The following SPTSSA variants were observed in gnomAD, a reference collection of about 807,000 sequenced individuals.
The protein encoded by SPTSSA is small subunit of serine palmitoyltransferase A.
In SPTSSA, 8 loss-of-function variants were observed where a neutral mutation model predicts 9.1. The ratio of observed to expected loss-of-function variants is 0.88; its 90% confidence interval spans 0.51 to 1.58. SPTSSA has a LOEUF of 1.58. Ranked by LOEUF, SPTSSA falls within the 40% of genes most tolerant of loss-of-function variation. The pLI, the probability that SPTSSA is intolerant of heterozygous loss-of-function variation, is 0.00. For synonymous variants in SPTSSA, 42 were observed against 37.7 expected (o/e 1.11, Z -0.41); for missense variants, 100 against 93.8 (o/e 1.07, Z -0.27).
chr14:34,460,242 C>T (rs1594628395), intron 1 of SPTSSA, among the ~76,000 whole-genome samples: 1 of 152,080 alleles, frequency 6.6e-6, no homozygotes, highest in African/African-American at 2.4e-5. Context: ...CATTTCTAAC[C>T]TGAGTTAATT....
intron 1 of SPTSSA, among the ~76,000 whole-genome samples, chr14:34,451,258 C>T (rs1883515418): frequency 1.3e-5 from 2 of 152,110 alleles, no homozygotes; most frequent in African/African-American, 2.4e-5. Context: ...AGGTCATAGA[C>T]CTTTGTTCCA....
At chr14:34,451,571 AAAT>A (rs2138830023) in intron 1 of SPTSSA, among the ~76,000 whole-genome samples, 1 of 152,110 alleles carries the variant, frequency 6.6e-6, no homozygotes, top group African/African-American at 2.4e-5. Flanking sequence ...AAAATACAAA[AAAT>A]TAGCCGGGCG....
At chr14:34,458,560 G>A (rs1339485923) in intron 1 of SPTSSA, among the ~76,000 whole-genome samples, 6 of 149,986 alleles carry the variant, frequency 4.0e-5, no homozygotes, top group African/African-American at 9.9e-5. Context: ...GCAGTGGCAC[G>A]ATCTCGGCTC....
chr14:34,460,727 T>C (rs758195005), intron 1 of SPTSSA, among the ~76,000 whole-genome samples: 3 of 152,198 alleles, frequency 2.0e-5, no homozygotes, highest in Non-Finnish European at 2.9e-5. Context: ...GAGACTTCTA[T>C]TAAATATGCA....
At chr14:34,461,932 G>C (rs866738445) in intron 1 of SPTSSA, among the ~76,000 whole-genome samples, 164 bp downstream of exon 1, 1 of 122,246 alleles carries the variant, frequency 8.2e-6, no homozygotes, top group Non-Finnish European at 1.7e-5. Context: ...CCCCGCGAGC[G>C]CCGCCCTCGG....
At chr14:34,459,760 A>T (rs1244284192) in intron 1 of SPTSSA, among the ~76,000 whole-genome samples, 1 of 151,930 alleles carries the variant, frequency 6.6e-6, no homozygotes, top group Non-Finnish European at 1.5e-5. Context: ...CAGCCGGGCA[A>T]CAAGAACAAA....
chr14:34,449,503 C>CTTT (rs35238717), intron 1 of SPTSSA, among the ~76,000 whole-genome samples: 1 of 123,732 alleles, frequency 8.1e-6, no homozygotes, highest in Non-Finnish European at 1.7e-5. Context: ...CCCGGCCTCC[C>CTTT]TTTTTTTTTT....
At chr14:34,454,373 T>C (rs1406195336) in intron 1 of SPTSSA, among the ~76,000 whole-genome samples, 1 of 152,238 alleles carries the variant, frequency 6.6e-6, no homozygotes. Flanking sequence ...CCCACTGCCA[T>C]TAACCCAACC....
At chr14:34,436,458 T>G (rs1160424274) in intron 1 of SPTSSA, among the ~76,000 whole-genome samples, 1 of 152,194 alleles carries the variant, frequency 6.6e-6, no homozygotes, top group Admixed American at 6.5e-5. Context: ...TCATTCATAT[T>G]CTCATTCTTC....
At chr14:34,461,915 C>T (rs1878625552) in intron 1 of SPTSSA, among the ~76,000 whole-genome samples, 181 bp downstream of exon 1, 1 of 147,162 alleles carries the variant, frequency 6.8e-6, no homozygotes, top group Non-Finnish European at 1.5e-5. Flanking sequence ...CCCCACCCCC[C>T]ACTTAACCCC....
intron 1 of SPTSSA, among the ~76,000 whole-genome samples, chr14:34,443,570 C>T (rs1207498654): frequency 8.3e-6 from 1 of 120,016 alleles, no homozygotes; most frequent in East Asian, 2.2e-4. Context: ...GAGTTTTCCT[C>T]TCATTACCCA....
chr14:34,456,715 T>C (rs1051206662), intron 1 of SPTSSA, among the ~76,000 whole-genome samples: 3 of 151,794 alleles, frequency 2.0e-5, no homozygotes, highest in Non-Finnish European at 4.4e-5. Context: ...CTGGCCAACA[T>C]GGTGAAATCT....
At chr14:34,443,064 G>C (rs933064142) in intron 1 of SPTSSA, among the ~76,000 whole-genome samples, 1 of 138,588 alleles carries the variant, frequency 7.2e-6, no homozygotes, top group Non-Finnish European at 1.5e-5. Flanking sequence ...TACCCAGCTG[G>C]AGTGCATTGG....
At chr14:34,455,443 G>A (rs1266104136) in intron 1 of SPTSSA, among the ~76,000 whole-genome samples, 5 of 152,084 alleles carry the variant, frequency 3.3e-5, no homozygotes, top group African/African-American at 1.2e-4. Flanking sequence ...TCTCAGGAGA[G>A]ATGCATAGGA....
chr14:34,449,081 A>G (rs1883473791), intron 1 of SPTSSA, among the ~76,000 whole-genome samples: 1 of 152,098 alleles, frequency 6.6e-6, no homozygotes, highest in Non-Finnish European at 1.5e-5. Context: ...CAGGACAGTG[A>G]GGAACTTCTA....
chr14:34,451,616 C>G (rs372282497), intron 1 of SPTSSA, among the ~76,000 whole-genome samples: 35 of 150,388 alleles, frequency 2.3e-4, no homozygotes, highest in South Asian at 6.3e-4. Context: ...CCAGCTACTC[C>G]GGAGGCTGAG....
At position 34,459,033 on chromosome 14, in the gene SPTSSA, T is replaced by C. The variant is rs573598890; in HGVS notation, c.112+3063A>G. ...GATTCTCCTGCCTCAGCCTCCCGAC[T>C]AGTGGGATTTCAGGCGTCCACCACC... On this transcript the variant is annotated intron_variant, in intron 1 of 1. Coordinates refer to ENST00000298130, the MANE Select transcript of SPTSSA (RefSeq NM_138288.4). Among the ~76,000 whole-genome samples the C allele has an allele frequency of 4.0e-4, 60 of 151,730 alleles. 1 individual carries two copies. The highest frequency in any genetic ancestry group is 1.1e-3 in the African/African-American group (44 of 41,382).
chr14:34,456,350 A>G (rs1261435758), intron 1 of SPTSSA, among the ~76,000 whole-genome samples: 1 of 152,184 alleles, frequency 6.6e-6, no homozygotes, highest in East Asian at 1.9e-4. Context: ...ATAAAATAAA[A>G]TAACAAATCA....
intron 1 of SPTSSA, among the ~76,000 whole-genome samples, chr14:34,450,319 C>T (rs569179986): frequency 6.6e-6 from 1 of 152,142 alleles, no homozygotes; most frequent in Admixed American, 6.5e-5. Context: ...AAATGAGGTC[C>T]TTTCTTTCAT....
Sources: allele counts gnomAD v4.1 joint callset (sites outside exome capture counted in the v4.1 genomes callset), GRCh38; gene constraint gnomAD v4.1.1; transcripts MANE v1.5; gene names NCBI Gene and HGNC (gene_info 2026-07-23, HGNC 2026-07-21).